MAST3: variants seen among roughly 807,000 people sequenced by gnomAD.
MAST3 encodes microtubule associated serine/threonine kinase 3.
Under a neutral mutation model 127.0 loss-of-function variants are expected in MAST3, and 43 were observed. That is an observed-to-expected ratio of 0.34 (90% CI 0.27 to 0.44). The LOEUF (loss-of-function observed/expected upper bound fraction) is 0.44, where lower values mean the gene tolerates loss of function less well. Ranked by LOEUF, MAST3 falls within the 20% of genes least tolerant of loss-of-function variation. MAST3 has a pLI of 1.00. For synonymous variants in MAST3, 785 were observed against 809.2 expected (o/e 0.97, Z 0.51); for missense variants, 1,390 against 1,919.1 (o/e 0.72, Z 5.15).
intron 8 of MAST3, 34 bp downstream of exon 8, chr19:18,123,689 C>A: frequency 6.8e-7 from 1 of 1,466,076 alleles, no homozygotes; most frequent in Admixed American, 2.3e-5. Flanking sequence ...CCAGCCCCTG[C>A]ACTTCTTTCC....
Position 18,110,467 on chromosome 19 carries a change from C to CCT in MAST3, c.72-184_72-183insTC, listed in dbSNP as rs1220560519. On this transcript the variant is annotated intron_variant, in intron 2 of 27. Coordinates refer to ENST00000687212, the MANE Select transcript of MAST3 (RefSeq NM_001393504.1). The surrounding 1 kb of genome is among the most constrained non-coding windows in gnomAD (Gnocchi z 4.3). Reference sequence around the variant, plus strand: ...GTTCGTGTCGCCCAGAAACGCACCGCCGCCTCCGGGGAGCCCTCCCGGGCC... The same window carrying CCT: ...GTTCGTGTCGCCCAGAAACGCACCGCCTCGCCTCCGGGGAGCCCTCCCGGGCC... 1.0e-6 allele frequency: 1 copy of CCT among 967,450 alleles called. No homozygotes were observed. 59.9% of individuals were successfully genotyped at this position (967,450 alleles called of 1,614,324 possible). A position where few individuals can be genotyped will look rare whatever the true frequency, so the allele number is the denominator to read the frequency against.
At chr19:18,108,992 G>A (rs919649244) in intron 2 of MAST3, among the ~76,000 whole-genome samples, 2 of 152,198 alleles carry the variant, frequency 1.3e-5, no homozygotes, top group African/African-American at 4.8e-5. Flanking sequence ...AGAGACAGAG[G>A]TGCTGGGGGT....
intron 11 of MAST3, among the ~76,000 whole-genome samples, chr19:18,127,993 A>G (rs529584786): frequency 3.6e-4 from 55 of 152,338 alleles, no homozygotes; most frequent in African/African-American, 1.3e-3. Flanking sequence ...TGGCTGGACC[A>G]TGTTTGCCAG....
In MAST3 at chr19:18,144,434, G is replaced by A. The variant is rs1271661835; in HGVS notation, c.2585-32G>A. On this transcript the variant is annotated intron_variant, in intron 22 of 27. Transcript: ENST00000687212. This position sits in a 1 kb window ranked among gnomAD's most constrained non-coding sequence, Gnocchi z 4.0. ...CTTTAGGACCACATGGTGAGTTTGAGGGGCACCCAGCTGACCCTGCTGACC... is the reference window on the plus strand; with the variant it reads ...CTTTAGGACCACATGGTGAGTTTGAAGGGCACCCAGCTGACCCTGCTGACC... 5 of 1,530,630 alleles carry A rather than the reference G, an allele frequency of 3.3e-6. No individual in the cohort carries two copies. The highest frequency in any genetic ancestry group is 4.4e-6 in the Non-Finnish European group (5 of 1,135,126). The allele number at this position is 1,530,630 out of a possible 1,614,324, so 94.8% of individuals were successfully genotyped here.
At chr19:18,101,926 C>T (rs939863565) in intron 1 of MAST3, among the ~76,000 whole-genome samples, 22 of 113,528 alleles carry the variant, frequency 1.9e-4, no homozygotes, top group East Asian at 1.1e-3. Flanking sequence ...CTTGCTCTGT[C>T]GCCCAGGCTG....
Position 18,121,865 on chromosome 19 carries a change from T to G in MAST3, c.263T>G (p.Leu88Trp). 6.2e-7 allele frequency: 1 copy of G among 1,614,010 alleles called. No individual in the cohort carries two copies. The highest frequency in any genetic ancestry group is 2.2e-5 in the East Asian group (1 of 44,876). ...PLSVPTGSSP[L>W]DSPRNFSAAS... Reference sequence around the variant, plus strand: ...TCCTCCTCAGCAGGCAGCAGCCCCTTGGATAGTCCTCGGAATTTCTCGGCT... The same window carrying G: ...TCCTCCTCAGCAGGCAGCAGCCCCTGGGATAGTCCTCGGAATTTCTCGGCT... The change falls in exon 5 of 28, where the codon TTG becomes TGG. Residue 88 changes from leucine (L) to tryptophan (W), a missense_variant. Around this residue, in one of 5 missense-constraint regions of MAST3, gnomAD observed 45 missense variants for 113.0 expected, o/e 0.40. Transcript: ENST00000687212.
At chr19:18,123,091 G>C in intron 6 of MAST3, 126 bp from the exon 7 acceptor site, 1 of 1,012,038 alleles carries the variant, frequency 9.9e-7, no homozygotes, top group Admixed American at 1.9e-5. Flanking sequence ...ATAGGAGCTA[G>C]GCAGGAGAAA....
chr19:18,127,640 C>T (rs1188101313), intron 11 of MAST3, among the ~76,000 whole-genome samples: 4 of 152,272 alleles, frequency 2.6e-5, no homozygotes, highest in South Asian at 4.1e-4. Flanking sequence ...GCCAAGATCT[C>T]GCCACTGCAC....
intron 21 of MAST3, 94 bp from the exon 22 acceptor site, chr19:18,143,669 G>T: frequency 3.3e-6 from 5 of 1,501,252 alleles, no homozygotes; most frequent in South Asian, 1.2e-5. Flanking sequence ...ACCCTTGACT[G>T]CAGACTGAGA....
intron 14 of MAST3, among the ~76,000 whole-genome samples, chr19:18,131,651 A>AG (rs1357913280): frequency 6.7e-6 from 1 of 148,790 alleles, no homozygotes; most frequent in Non-Finnish European, 1.5e-5. Context: ...GTGAGCCGAG[A>AG]TCGCGCCACT....
Position 18,112,527 on chromosome 19 carries a change from G to T in MAST3, c.161+1786G>T, listed in dbSNP as rs1435869069. Among the ~76,000 whole-genome samples the T allele has an allele frequency of 6.6e-6, 1 of 152,154 alleles. No individual in the cohort carries two copies. The highest frequency in any genetic ancestry group is 1.5e-5 in the Non-Finnish European group (1 of 68,044). On this transcript the variant is annotated intron_variant, in intron 3 of 27. Transcript: ENST00000687212. The surrounding 1 kb of genome is among the most constrained non-coding windows in gnomAD (Gnocchi z 4.1). The stretch of plus-strand genomic sequence containing the variant: ...TTTTTGTATTTTCAGTAAAGATGGG[G>T]TTTCACCATGTTAGCTAGGCTGGTC...
Position 18,137,391 on chromosome 19 carries a change from G to A in MAST3, c.2095+30G>A, listed in dbSNP as rs750601080. ...GGAGGGATCCCCCTGGAGGGGGGGC[G>A]GGGGGTGCTCTGCCATCCCTCAGTC... On this transcript the variant is annotated intron_variant, in intron 19 of 27. Transcript: ENST00000687212. 18 of 1,595,686 alleles carry A rather than the reference G, an allele frequency of 1.1e-5. 1 individual carries two copies. The highest frequency in any genetic ancestry group is 4.5e-5 in the East Asian group (2 of 44,472).
chr19:18,107,738 A>C (rs1599666529), intron 2 of MAST3, 120 bp downstream of exon 2: 2 of 1,095,724 alleles, frequency 1.8e-6, no homozygotes, highest in East Asian at 5.1e-5. Context: ...TCTCATGTTC[A>C]TTCTTGCCCT....
intron 26 of MAST3, 50 bp from the exon 27 acceptor site, chr19:18,147,393 A>G (rs778544157): frequency 3.9e-6 from 6 of 1,556,710 alleles, no homozygotes; most frequent in Non-Finnish European, 5.3e-6. Flanking sequence ...GTGAGCCACC[A>G]TGCCTGGCCA....
chr19:18,124,769 T>G lies in MAST3; in HGVS notation c.1073T>G (p.Leu358Arg). ...CAGCTGGGCCTGGCCAAGGACCCCC[T>G]GGAGGGTAAGCCGGGATGGGAAGAG... ...IGQLGLAKDP[L>R]EEMVPLSHLE... Residue 358 changes from leucine (L) to arginine (R), a missense_variant, in exon 11 of 28, where the codon CTG becomes CGG. Leu to Arg is a moderately radical substitution (Grantham distance 102). Around this residue, in one of 5 missense-constraint regions of MAST3, gnomAD observed 277 missense variants for 384.8 expected, o/e 0.72. Coordinates refer to ENST00000687212, the MANE Select transcript of MAST3 (RefSeq NM_001393504.1). 4 of 1,593,438 alleles carry G rather than the reference T, an allele frequency of 2.5e-6. No homozygotes were observed. Among genetic ancestry groups the G allele is most frequent in the Non-Finnish European group, 3.4e-6 (4 of 1,169,812 alleles).
chr19:18,128,359 G>GCCTCT, intron 11 of MAST3, 41 bp from the exon 12 acceptor site: 1 of 1,500,044 alleles, frequency 6.7e-7, no homozygotes. Context: ...TGCAGGGTGA[G>GCCTCT]GCAGGGAGGC....
chr19:18,129,942 AG>A, intron 13 of MAST3, among the ~76,000 whole-genome samples: 1 of 144,576 alleles, frequency 6.9e-6, no homozygotes, highest in Non-Finnish European at 1.5e-5. Context: ...AAAAAAGGAA[AG>A]AAAGAAAGAA....
At position 18,145,826 on chromosome 19, in the gene MAST3, G is replaced by A. The variant is rs1192282320; in HGVS notation, c.3123G>A (p.Leu1041=). The A allele has an allele frequency of 1.1e-5, 18 of 1,598,360 alleles. No individual in the cohort carries two copies. Among genetic ancestry groups the A allele is most frequent in the Non-Finnish European group, 1.4e-5 (17 of 1,174,256 alleles). Residue 1041 remains leucine (L), a synonymous_variant, in exon 25 of 28, where the codon CTG becomes CTA. Coordinates refer to ENST00000687212, the MANE Select transcript of MAST3 (RefSeq NM_001393504.1). The surrounding 1 kb of genome is among the most constrained non-coding windows in gnomAD (Gnocchi z 5.9). ...LITHINGESV[L]GLVHMDVVEL... is the part of the protein sequence containing the mutation. Reference sequence around the variant, plus strand: ...CCCACATCAACGGGGAGTCAGTGCTGGGGCTGGTGCACATGGACGTCGTGG... The same window carrying A: ...CCCACATCAACGGGGAGTCAGTGCTAGGGCTGGTGCACATGGACGTCGTGG...
rs780553192 is a variant in MAST3, at chr19:18,145,119, C to G, written c.2929C>G (p.Arg977Gly). 4.3e-6 allele frequency: 7 copies of G among 1,613,834 alleles called. No individual in the cohort carries two copies. The East Asian group carries it at 1.1e-4, about 26-fold the overall frequency. ...CCCGTCCCCCGTGTGTGGCAGCCTG[C>G]GGCCCCCCATCGTTATCCACAGCTC... ...RDPSPVCGSL[R>G]PPIVIHSSGK... The change falls in exon 24 of 28, where the codon CGG becomes GGG. Residue 977 changes from arginine (R) to glycine (G), a missense_variant. By Grantham distance (125) the Arg-to-Gly change is moderately radical. This residue lies in a region of MAST3 where 816 missense variants were observed against 934.1 expected (regional missense o/e 0.87). Coordinates refer to ENST00000687212, the MANE Select transcript of MAST3 (RefSeq NM_001393504.1). The surrounding 1 kb of genome is among the most constrained non-coding windows in gnomAD (Gnocchi z 5.9).
Sources: gnomAD v4.1 joint callset for allele counts (sites outside exome capture counted in the v4.1 genomes callset) on GRCh38, gnomAD v4.1.1 for gene constraint, gnomAD v4.1.1 regional missense constraint, Gnocchi (gnomAD v3.1) non-coding constraint, MANE v1.5 for transcripts, NCBI Gene and HGNC (gene_info 2026-07-23, HGNC 2026-07-21) for gene names.